Variants in MXI1 observed in about 807,000 individuals in gnomAD.
MXI1 encodes MAX interactor 1, dimerization protein, also known as max-interacting protein 1.
Under a neutral mutation model 36.9 loss-of-function variants are expected in MXI1, and 18 were observed. That is an observed-to-expected ratio of 0.49 (90% CI 0.34 to 0.72). MXI1 has a LOEUF of 0.72. Ranked by LOEUF, MXI1 falls within the 30% of genes least tolerant of loss-of-function variation. The pLI is 0.01. For missense variants in MXI1, 304 were observed against 379.1 expected (o/e 0.80, Z 1.64); for synonymous variants, 160 against 146.7 (o/e 1.09, Z -0.65).
At chr10:110,274,674 T>C (rs1856968887) in intron 3 of MXI1, among the ~76,000 whole-genome samples, 1 of 152,192 alleles carries the variant, frequency 6.6e-6, no homozygotes, top group Non-Finnish European at 1.5e-5. Flanking sequence ...TTTTTTCTAC[T>C]TGCTGTTTGT....
intron 1 of MXI1, among the ~76,000 whole-genome samples, chr10:110,224,859 G>A (rs558724203): frequency 5.2e-4 from 79 of 152,244 alleles, no homozygotes; most frequent in African/African-American, 1.9e-3. Flanking sequence ...TGTTGGCAAA[G>A]CTGGTCTCGA....
chr10:110,263,653 G>C (rs1039916799), intron 3 of MXI1, among the ~76,000 whole-genome samples: 30 of 152,118 alleles, frequency 2.0e-4, no homozygotes, highest in African/African-American at 7.2e-4. Context: ...TTGTTACCCT[G>C]TTCTGTCTAA....
At chr10:110,273,075 T>A (rs1590400783) in intron 3 of MXI1, among the ~76,000 whole-genome samples, 2 of 135,220 alleles carry the variant, frequency 1.5e-5, no homozygotes, top group African/African-American at 5.6e-5. Context: ...TGAGATGGAG[T>A]CTCGCTCTGT....
chr10:110,279,782 A>C, intron 4 of MXI1, 132 bp from the exon 5 acceptor site: 1 of 567,436 alleles, frequency 1.8e-6, no homozygotes, highest in East Asian at 3.2e-5. Flanking sequence ...TGGAGGCTTT[A>C]AAATGTATTT....
chr10:110,249,994 G>A lies in MXI1; in HGVS notation c.437+5137G>A, dbSNP rs138455331. 6.6e-4 allele frequency among the ~76,000 whole-genome samples: 101 copies of A among 152,196 alleles called. 1 individual carries two copies. Among genetic ancestry groups the A allele is most frequent in the African/African-American group, 2.4e-3 (98 of 41,538 alleles). The stretch of plus-strand genomic sequence containing the variant: ...GAGATAATAGCCACCAAATGTTGAG[G>A]TTCATACTACCAGATCTCCGAGGGA... On this transcript the variant is annotated intron_variant, in intron 3 of 5. Coordinates refer to ENST00000332674, the MANE Select transcript of MXI1 (RefSeq NM_130439.3).
rs756512552 is a variant in MXI1 at position 110,244,866 on chromosome 10, G to A, written c.437+9G>A. 1 of 1,606,794 alleles carries A rather than the reference G, an allele frequency of 6.2e-7. No individual in the cohort carries two copies. The highest frequency in any genetic ancestry group is 1.1e-5 in the South Asian group (1 of 90,322). ...GAGCTGGAAAAGAATCGGTGAGTCAGTGATGAGGTACAGCTTTCACTTACG... is the reference window on the plus strand; with the variant it reads ...GAGCTGGAAAAGAATCGGTGAGTCAATGATGAGGTACAGCTTTCACTTACG... On this transcript the variant is annotated intron_variant, in intron 3 of 5. Coordinates refer to ENST00000332674, the MANE Select transcript of MXI1 (RefSeq NM_130439.3).
intron 5 of MXI1, among the ~76,000 whole-genome samples, chr10:110,281,040 G>GT (rs1857229015): frequency 6.6e-6 from 1 of 152,284 alleles, no homozygotes; most frequent in Admixed American, 6.5e-5. Flanking sequence ...CATGAGACAA[G>GT]TGACAGAGTT....
chr10:110,260,416 G>GGTGT lies in MXI1; in HGVS notation c.437+15598_437+15601dup, dbSNP rs151334728. Among the ~76,000 whole-genome samples, 1,416 of 144,640 alleles carry GGTGT rather than the reference G, an allele frequency of 9.8e-3. 27 individuals are homozygous for GGTGT. Among genetic ancestry groups the GGTGT allele is most frequent in the African/African-American group, 0.03 (1,185 of 39,272 alleles). The allele number at this position is 144,640 out of a possible 152,430, so 94.9% of individuals were successfully genotyped here. Reference sequence around the variant, plus strand: ...TTTCTGAAGCATTTTCCTTGATACAGGTGTGTGTGTGTGTGTGTGTGTGTG... The same window carrying GGTGT: ...TTTCTGAAGCATTTTCCTTGATACAGGTGTGTGTGTGTGTGTGTGTGTGTGTGTG... On this transcript the variant is annotated intron_variant, in intron 3 of 5. Coordinates refer to ENST00000332674, the MANE Select transcript of MXI1 (RefSeq NM_130439.3).
intron 3 of MXI1, among the ~76,000 whole-genome samples, chr10:110,273,373 C>T (rs1439494468): frequency 3.3e-5 from 5 of 152,004 alleles, no homozygotes; most frequent in African/African-American, 1.2e-4. Flanking sequence ...ATTTCATGAA[C>T]CGAATAAGCT....
At chr10:110,224,758 G>A (rs990833922) in intron 1 of MXI1, among the ~76,000 whole-genome samples, 4 of 150,908 alleles carry the variant, frequency 2.7e-5, no homozygotes, top group Admixed American at 2.0e-4. Flanking sequence ...AGCGATTCTC[G>A]TGCCTCAGCC....
At chr10:110,253,275 G>A (rs2134412139) in intron 3 of MXI1, among the ~76,000 whole-genome samples, 1 of 151,520 alleles carries the variant, frequency 6.6e-6, no homozygotes, top group African/African-American at 2.4e-5. Context: ...TTTCTATACT[G>A]CCTATCGTGT....
intron 1 of MXI1, among the ~76,000 whole-genome samples, chr10:110,222,759 A>G (rs1034283947): frequency 1.3e-5 from 2 of 152,234 alleles, no homozygotes; most frequent in African/African-American, 4.8e-5. Context: ...TCATCGGAAC[A>G]AAAGAAAGGC....
chr10:110,228,241 G>A lies in MXI1; in HGVS notation c.327G>A (p.Leu109=). The change falls in exon 2 of 6, where the codon CTG becomes CTA. Residue 109 remains leucine, a synonymous_variant. Transcript: ENST00000332674. The stretch of plus-strand genomic sequence containing the variant: ...TCCCGTCCATGCCGAGCCCCCGACT[G>A]CAGCATTCAAAGCCCCCACGGAGGT... ...SSFPSMPSPR[L]QHSKPPRRLS... 2.5e-6 allele frequency: 4 copies of A among 1,614,110 alleles called. No individual in the cohort carries two copies. The highest frequency in any genetic ancestry group is 3.4e-6 in the Non-Finnish European group (4 of 1,179,996).
intron 1 of MXI1, among the ~76,000 whole-genome samples, chr10:110,223,148 C>A (rs183129936): frequency 5.9e-5 from 9 of 152,332 alleles, no homozygotes; most frequent in Middle Eastern, 3.4e-3. Flanking sequence ...TGTGAAAGGC[C>A]ATGCATAGGC....
chr10:110,238,005 A>G (rs1855531532), intron 2 of MXI1, among the ~76,000 whole-genome samples: 1 of 152,148 alleles, frequency 6.6e-6, no homozygotes, highest in South Asian at 2.1e-4. Flanking sequence ...AAATGCCCAG[A>G]CACAGAGAGA....
intron 3 of MXI1, among the ~76,000 whole-genome samples, chr10:110,278,395 G>A (rs190062956): frequency 4.4e-3 from 664 of 152,272 alleles, no homozygotes; most frequent in African/African-American, 0.015. Flanking sequence ...GGCAGGTAGT[G>A]AGAGAGACGA....
At chr10:110,238,237 A>G (rs928213985) in intron 2 of MXI1, among the ~76,000 whole-genome samples, 2 of 152,128 alleles carry the variant, frequency 1.3e-5, no homozygotes, top group African/African-American at 4.8e-5. Context: ...TTGGGCCACA[A>G]TCAGTGACTC....
At chr10:110,227,596 A>C (rs111446990) in intron 1 of MXI1, 33 of 860,020 alleles carry the variant, frequency 3.8e-5, no homozygotes, top group South Asian at 5.6e-5. Flanking sequence ...GGTCAGGGGA[A>C]GGGACGAGGC....
intron 5 of MXI1, among the ~76,000 whole-genome samples, chr10:110,280,323 A>G (rs756769630): frequency 5.3e-4 from 80 of 151,480 alleles, no homozygotes; most frequent in Non-Finnish European, 7.8e-4. Context: ...AATGTCCCTC[A>G]ATTTAGGTTT....
Sources: gnomAD v4.1 joint callset for allele counts (sites outside exome capture counted in the v4.1 genomes callset) on GRCh38, gnomAD v4.1.1 for gene constraint, MANE v1.5 for transcripts, NCBI Gene and HGNC (gene_info 2026-07-23, HGNC 2026-07-21) for gene names.